Variants in IQSEC1 observed in about 807,000 individuals in gnomAD.
IQSEC1 encodes the protein IQ motif and Sec7 domain ArfGEF 1, also known as IQ motif and SEC7 domain-containing protein 1.
IQSEC1 carries 31 observed loss-of-function variants against 91.0 expected under a neutral mutation model. That is an observed-to-expected ratio of 0.34 (90% CI 0.26 to 0.46). IQSEC1 has a LOEUF of 0.46. IQSEC1 is among the 20% of genes least tolerant of loss of function. The probability of loss-of-function intolerance (pLI) is 1.00; values close to 1 mark genes in which losing one functional copy is unlikely to be tolerated. For synonymous variants in IQSEC1, 699 were observed against 662.6 expected (o/e 1.05, Z -0.84); for missense variants, 1,388 against 1,575.6 (o/e 0.88, Z 2.02).
At chr3:13,182,038 T>C (rs1197327436) in intron 1 of IQSEC1, among the ~76,000 whole-genome samples, 2 of 152,238 alleles carry the variant, frequency 1.3e-5, no homozygotes, top group Non-Finnish European at 2.9e-5. Flanking sequence ...CTAAGTCCCA[T>C]GACTTTGCCT....
chr3:13,228,639 G>A (rs564364732), intron 1 of IQSEC1, among the ~76,000 whole-genome samples: 1 of 152,236 alleles, frequency 6.6e-6, no homozygotes, highest in African/African-American at 2.4e-5. Flanking sequence ...CCTTTGCAGG[G>A]CCTGCAAGGA....
chr3:13,062,480 T>C (rs1268936975), intron 1 of IQSEC1, among the ~76,000 whole-genome samples: 1 of 152,142 alleles, frequency 6.6e-6, no homozygotes, highest in Non-Finnish European at 1.5e-5. Context: ...AGGAGTTCCA[T>C]CTGAGCAGCT....
At chr3:12,925,351 C>T (rs1404448757) in intron 3 of IQSEC1, among the ~76,000 whole-genome samples, 2 of 152,210 alleles carry the variant, frequency 1.3e-5, no homozygotes, top group Non-Finnish European at 2.9e-5. Flanking sequence ...CACACTAATT[C>T]ACTCAATTCC....
chr3:12,905,441 C>T (rs542833766), intron 12 of IQSEC1, among the ~76,000 whole-genome samples: 4 of 152,378 alleles, frequency 2.6e-5, no homozygotes, highest in Non-Finnish European at 4.4e-5. Flanking sequence ...CACACTCGGC[C>T]GGCGCTGCCT....
intron 2 of IQSEC1, among the ~76,000 whole-genome samples, chr3:13,120,438 T>C (rs1485004214): frequency 6.6e-6 from 1 of 152,130 alleles, no homozygotes; most frequent in Admixed American, 6.5e-5. Context: ...CCATTCCTGC[T>C]CTGCTGCCCG....
At chr3:13,186,926 C>G (rs1365898878) in intron 1 of IQSEC1, among the ~76,000 whole-genome samples, 1 of 152,166 alleles carries the variant, frequency 6.6e-6, no homozygotes, top group Non-Finnish European at 1.5e-5. Context: ...GGAAAGAGCA[C>G]ACTGTCTGCC....
chr3:13,187,205 G>C (rs1193632196), intron 1 of IQSEC1, among the ~76,000 whole-genome samples: 2 of 152,138 alleles, frequency 1.3e-5, no homozygotes, highest in African/African-American at 4.8e-5. Context: ...ATACTAAATG[G>C]AGATGCACCA....
intron 1 of IQSEC1, among the ~76,000 whole-genome samples, chr3:13,280,441 C>T (rs888331594): frequency 5.9e-5 from 9 of 152,342 alleles, no homozygotes; most frequent in Admixed American, 3.3e-4. Flanking sequence ...CAGAACCCCA[C>T]GCATGTGAGC....
At chr3:12,915,552 G>A in intron 7 of IQSEC1, 42 bp downstream of exon 7, 1 of 1,598,300 alleles carries the variant, frequency 6.3e-7, no homozygotes, top group Non-Finnish European at 8.6e-7. Context: ...GCCCCGCCCG[G>A]GTGGTGCTGG....
Position 12,936,124 on chromosome 3 carries a change from G to A in IQSEC1, c.892C>T (p.Leu298=), listed in dbSNP as rs868368530. The change falls in exon 3 of 14, where the codon CTG becomes TTG. Residue 298 remains leucine (L), a synonymous_variant. Transcript: ENST00000613206. ...DVTLYIDEEE[L]SPPLPLSQAG... ...TGCGAGAGGGGCAGAGGGGGCGACA[G>A]CTCCTCCTCATCGATGTACAGGGTG... 1.2e-6 allele frequency: 2 copies of A among 1,612,048 alleles called. No individual in the cohort carries two copies. Among genetic ancestry groups the A allele is most frequent in the Middle Eastern group, 1.6e-4 (1 of 6,062 alleles).
chr3:13,159,681 G>A (rs914924001), intron 2 of IQSEC1, among the ~76,000 whole-genome samples: 1 of 152,180 alleles, frequency 6.6e-6, no homozygotes, highest in African/African-American at 2.4e-5. Flanking sequence ...GGTGCGGGTG[G>A]TTGTGCAGAT....
At chr3:13,072,538 C>T (rs1029519439) in intron 1 of IQSEC1, among the ~76,000 whole-genome samples, 1 of 152,252 alleles carries the variant, frequency 6.6e-6, no homozygotes, top group African/African-American at 2.4e-5. Context: ...TGGGCTGGAC[C>T]TTCACCTGCC....
At chr3:13,154,859 C>T (rs2124968675) in intron 2 of IQSEC1, among the ~76,000 whole-genome samples, 1 of 150,080 alleles carries the variant, frequency 6.7e-6, no homozygotes, top group South Asian at 2.1e-4. Flanking sequence ...ACAACACCCT[C>T]TTAAAGACCA....
At chr3:12,984,886 G>A (rs1368579892) in intron 1 of IQSEC1, among the ~76,000 whole-genome samples, 2 of 137,116 alleles carry the variant, frequency 1.5e-5, no homozygotes, top group African/African-American at 2.8e-5. Context: ...CTGCAGTGGC[G>A]CTATCCCGGC....
At chr3:13,130,477 C>A (rs766899927) in intron 2 of IQSEC1, among the ~76,000 whole-genome samples, 2 of 151,774 alleles carry the variant, frequency 1.3e-5, no homozygotes, top group Non-Finnish European at 2.9e-5. Flanking sequence ...TGAGATTTAT[C>A]ATATAGAATT....
intron 1 of IQSEC1, among the ~76,000 whole-genome samples, chr3:13,172,041 A>G (rs1394778715): frequency 6.6e-6 from 1 of 152,212 alleles, no homozygotes; most frequent in East Asian, 1.9e-4. Flanking sequence ...CAGGCCCCAC[A>G]GGAGCAGGTG....
intron 1 of IQSEC1, among the ~76,000 whole-genome samples, chr3:13,278,241 C>G (rs1017470555): frequency 2.6e-5 from 4 of 152,170 alleles, no homozygotes; most frequent in Non-Finnish European, 5.9e-5. Flanking sequence ...GGCCACTCCA[C>G]TGGGCTTCCC....
chr3:12,920,113 G>A (rs1403123788), intron 6 of IQSEC1, among the ~76,000 whole-genome samples: 2 of 152,170 alleles, frequency 1.3e-5, no homozygotes, highest in Non-Finnish European at 2.9e-5. Context: ...ATACTTTTAG[G>A]TAAAGACACA....
At chr3:13,251,600 C>T (rs1262834434) in intron 1 of IQSEC1, among the ~76,000 whole-genome samples, 1 of 152,168 alleles carries the variant, frequency 6.6e-6, no homozygotes, top group Non-Finnish European at 1.5e-5. Flanking sequence ...CAGTGGCATC[C>T]AAAAGACTGA....
Sources: gnomAD v4.1 joint callset for allele counts (sites outside exome capture counted in the v4.1 genomes callset) on GRCh38, gnomAD v4.1.1 for gene constraint, MANE v1.5 for transcripts, NCBI Gene and HGNC (gene_info 2026-07-23, HGNC 2026-07-21) for gene names.